Variants in STAB1 observed in about 807,000 individuals in gnomAD.
STAB1 encodes stabilin 1, also known as stabilin-1.
In STAB1, 250 loss-of-function variants were observed where a neutral mutation model predicts 332.4. The observed-to-expected ratio is 0.75, with a 90% CI of 0.68 to 0.84. STAB1 has a LOEUF of 0.84. Ranked by LOEUF, STAB1 falls within the 40% of genes least tolerant of loss-of-function variation. The probability of loss-of-function intolerance (pLI) is 0.00; values close to 1 mark genes in which losing one functional copy is unlikely to be tolerated. For missense variants in STAB1, 3,249 were observed against 3,489.7 expected, an observed-to-expected ratio of 0.93 and a Z score of 1.74; for synonymous variants, 1,475 against 1,390.4, an observed-to-expected ratio of 1.06 and a Z score of -1.35.
At chr3:52,515,069 C>T (rs1194873600) in intron 36 of STAB1, 24 bp downstream of exon 36, 3 of 1,612,320 alleles carry the variant, frequency 1.9e-6, no homozygotes, top group Non-Finnish European at 2.5e-6. Flanking sequence ...TAGCGCAGCT[C>T]TGTCCCTGTG....
At chr3:52,515,906 T>G in intron 37 of STAB1, 137 bp from the exon 38 acceptor site, 11 of 988,486 alleles carry the variant, frequency 1.1e-5, no homozygotes, top group Middle Eastern at 3.3e-4. Context: ...CTTTCAGCTC[T>G]GAGCTGCTCA....
intron 12 of STAB1, 38 bp downstream of exon 12, chr3:52,504,914 A>G (rs1578368777): frequency 1.2e-6 from 2 of 1,613,296 alleles, no homozygotes; most frequent in East Asian, 4.5e-5. Context: ...AAGAGGAGTC[A>G]CAGCCTGGCA....
intron 1 of STAB1, among the ~76,000 whole-genome samples, 158 bp from the exon 2 acceptor site, chr3:52,501,008 A>G (rs1170477054): frequency 6.6e-6 from 1 of 152,194 alleles, no homozygotes; most frequent in African/African-American, 2.4e-5. Flanking sequence ...TGGACCCCCA[A>G]AGAACTCAGC....
chr3:52,504,107 C>A lies in STAB1; in HGVS notation c.1102C>A (p.Gln368Lys). 3 of 1,591,772 alleles carry A rather than the reference C, an allele frequency of 1.9e-6. No individual in the cohort carries two copies. Among genetic ancestry groups the A allele is most frequent in the Non-Finnish European group, 2.6e-6 (3 of 1,169,826 alleles). The change falls in exon 10 of 69, where the codon CAG becomes AAG. Residue 368 changes from glutamine (Q) to lysine (K), a missense_variant. Transcript: ENST00000321725. ...HLLHEVQKAT[Q>K]TGRVFLQLRV... is the part of the protein sequence containing the mutation. ...GCTCCACGAGGTGCAGAAGGCCACGCAGACAGGCCGGGTGTTCCTGCAGCT... is the reference window on the plus strand; with the variant it reads ...GCTCCACGAGGTGCAGAAGGCCACGAAGACAGGCCGGGTGTTCCTGCAGCT...
At position 52,514,690 on chromosome 3, in the gene STAB1, C is replaced by T. The variant is rs373730201; in HGVS notation, c.3679-11C>T. Reference sequence around the variant, plus strand: ...TAGGTGGGTGGATTCAGCCTCCATCCCTCTCCCCAGCCTGAGGTGAACCAT... The same window carrying T: ...TAGGTGGGTGGATTCAGCCTCCATCTCTCTCCCCAGCCTGAGGTGAACCAT... On this transcript the variant is annotated splice_polypyrimidine_tract_variant and intron_variant, in intron 34 of 68. Coordinates refer to ENST00000321725, the MANE Select transcript of STAB1 (RefSeq NM_015136.3). 2 of 1,612,886 alleles carry T rather than the reference C, an allele frequency of 1.2e-6. No individual in the cohort carries two copies. Among genetic ancestry groups the T allele is most frequent in the African/African-American group, 2.7e-5 (2 of 74,924 alleles).
In STAB1 at chr3:52,512,964, G is replaced by C. The variant is rs774807402; in HGVS notation, c.3158+6G>C. ...ACGCTGCCGAACCTGGTCAGGTGGG[G>C]CCGCCATTGCCAGGCTGTGGGAGGG... is the stretch of plus-strand genomic sequence containing the variant. On this transcript the variant is annotated splice_donor_region_variant and intron_variant, in intron 29 of 68. Transcript: ENST00000321725. The C allele has an allele frequency of 6.2e-7, 1 of 1,605,334 alleles. No homozygotes were observed. The highest frequency in any genetic ancestry group is 2.2e-5 in the East Asian group (1 of 44,726).
Position 52,524,368 on chromosome 3 carries a change from C to T in STAB1, c.*12C>T, listed in dbSNP as rs1337715275. 6.2e-7 allele frequency: 1 copy of T among 1,613,622 alleles called. No homozygotes were observed. The highest frequency in any genetic ancestry group is 8.5e-7 in the Non-Finnish European group (1 of 1,179,968). ...TCACAGTCAAGTGACGAGGCTGGGG[C>T]TGAAAGCAGAAGCATGCACAGGGAG... On this transcript the variant is annotated 3_prime_UTR_variant, in exon 69 of 69. Transcript: ENST00000321725.
At position 52,523,676 on chromosome 3, in the gene STAB1, C is replaced by T. The variant is rs145640449; in HGVS notation, c.7315C>T (p.Arg2439Cys). Reference sequence around the variant, plus strand: ...GGCCCCAGGGACAGTTGTGGTTAGCCGTATCATTGTGTGGGACATCATGGC... The same window carrying T: ...GGCCCCAGGGACAGTTGTGGTTAGCTGTATCATTGTGTGGGACATCATGGC... ...PVAPGTVVVS[R>C]IIVWDIMAFN... is the part of the protein sequence containing the mutation. The change falls in exon 66 of 69, where the codon CGT becomes TGT. Residue 2439 changes from arginine (R) to cysteine (C), a missense_variant. Arg to Cys is a radical substitution (Grantham distance 180). Coordinates refer to ENST00000321725, the MANE Select transcript of STAB1 (RefSeq NM_015136.3). 248 of 1,612,666 alleles carry T rather than the reference C, an allele frequency of 1.5e-4. No homozygotes were observed. The highest frequency in any genetic ancestry group is 1.9e-4 in the Non-Finnish European group (228 of 1,179,906).
chr3:52,514,878 G>A (rs766287435), intron 35 of STAB1, 49 bp downstream of exon 35: 1 of 1,612,894 alleles, frequency 6.2e-7, no homozygotes, highest in Non-Finnish European at 8.5e-7. Flanking sequence ...TCAGAGCTGG[G>A]AGGGCCTAGC....
chr3:52,524,184 G>T lies in STAB1; in HGVS notation c.7627G>T (p.Gly2543Cys). Residue 2543 changes from glycine to cysteine, a missense_variant, in exon 68 of 69, where the codon GGC (glycine) becomes TGC (cysteine). By Grantham distance (159) the Gly-to-Cys change is radical. Transcript: ENST00000321725. ...GGTCTCTGTCCCCAACCCTGTCTTT[G>T]GCAGCGACACCTTTTGTGAACCCTT... ...TLVSVPNPVF[G>C]SDTFCEPFDD... is the part of the protein sequence containing the mutation. 1.2e-6 allele frequency: 2 copies of T among 1,614,104 alleles called. No individual in the cohort carries two copies. Among genetic ancestry groups the T allele is most frequent in the Non-Finnish European group, 1.7e-6 (2 of 1,180,030 alleles).
At chr3:52,504,947 C>G (rs1280603550) in intron 12 of STAB1, 56 bp from the exon 13 acceptor site, 2 of 1,612,352 alleles carry the variant, frequency 1.2e-6, no homozygotes, top group African/African-American at 1.3e-5. Context: ...TGGGAGGGAG[C>G]CTCCGGACAG....
intron 25 of STAB1, 77 bp from the exon 26 acceptor site, chr3:52,511,573 G>C (rs1709300653): frequency 7.2e-7 from 1 of 1,391,212 alleles, no homozygotes; most frequent in South Asian, 1.3e-5. Flanking sequence ...GCAGTGACCA[G>C]AGAGAGCCAA....
rs773416310 is a variant in STAB1 at position 52,502,716 on chromosome 3, A to T, written c.572A>T (p.His191Leu). The T allele has an allele frequency of 6.2e-7, 1 of 1,613,246 alleles. No homozygotes were observed. The highest frequency in any genetic ancestry group is 1.3e-5 in the African/African-American group (1 of 74,906). Residue 191 changes from histidine to leucine, a missense_variant, in exon 6 of 69, where the codon CAC becomes CTC. His to Leu is a moderately conservative substitution (Grantham distance 99). Transcript: ENST00000321725. ...CLCFAGYTGP[H>L]CDQELPVCQE... ...TGCTTTGCTGGATACACTGGCCCCC[A>T]CTGTGATCAAGGTGAGCAGCGCCAC...
At chr3:52,504,342 A>C (rs1708685253) in intron 10 of STAB1, 119 bp from the exon 11 acceptor site, 1 of 1,367,992 alleles carries the variant, frequency 7.3e-7, no homozygotes, top group African/African-American at 1.4e-5. Flanking sequence ...ATCTACCCTA[A>C]ATCTAGGGAG....
At chr3:52,515,277 A>C in intron 36 of STAB1, 146 bp from the exon 37 acceptor site, 1 of 892,284 alleles carries the variant, frequency 1.1e-6, no homozygotes, top group East Asian at 2.6e-5. Context: ...CTCTCCCATC[A>C]GTCTGCCTGT....
rs1708491601 is a variant in STAB1 at position 52,502,088 on chromosome 3, C to A, written c.414C>A (p.Cys138Ter). The change falls in exon 4 of 69, where the codon TGC (cysteine) becomes TGA (stop). Residue 138 changes from cysteine to a stop codon, truncating the protein, a stop_gained. Transcript: ENST00000321725. LOFTEE classifies it high-confidence loss of function. ...DGMDRNGTCV[C>*]QENFRGSACQ... ...TGGACAGGAATGGGACCTGTGTGTG[C>A]CAGGTAAGGGCTGGGCAAGGTGGGG... The A allele has an allele frequency of 1.2e-6, 2 of 1,613,488 alleles. No individual in the cohort carries two copies. Among genetic ancestry groups the A allele is most frequent in the Non-Finnish European group, 1.7e-6 (2 of 1,180,024 alleles).
rs200170401 is a variant in STAB1, at chr3:52,520,923, G to A, written c.5826G>A (p.Leu1942=). 1.3e-6 allele frequency: 2 copies of A among 1,598,094 alleles called. No individual in the cohort carries two copies. The highest frequency in any genetic ancestry group is 2.2e-5 in the East Asian group (1 of 44,674). Residue 1942 remains leucine, a synonymous_variant, in exon 55 of 69, where the codon CTG becomes CTA. Transcript: ENST00000321725. ...GCCTTTGGGGTAGGCCCCAAGGCCTGGGCAGGGGCTGCCACCGCAATTGTG... is the reference window on the plus strand; with the variant it reads ...GCCTTTGGGGTAGGCCCCAAGGCCTAGGCAGGGGCTGCCACCGCAATTGTG... ...HPSLWGRPQG[L]GRGCHRNCVT...
chr3:52,501,802 C>A, intron 3 of STAB1, 49 bp downstream of exon 3: 1 of 1,526,266 alleles, frequency 6.6e-7, no homozygotes, highest in Non-Finnish European at 8.9e-7. Flanking sequence ...CCAGCCCCAG[C>A]TCTGGGCAAG....
In STAB1 at chr3:52,520,504, C is replaced by T; in HGVS notation, c.5604C>T (p.Gly1868=). The T allele has an allele frequency of 1.9e-6, 3 of 1,612,520 alleles. No individual in the cohort carries two copies. In the South Asian group the frequency reaches 3.3e-5, roughly 18 times the overall value. The change falls in exon 53 of 69, where the codon GGC becomes GGT. Residue 1868 remains glycine (G), a synonymous_variant. Coordinates refer to ENST00000321725, the MANE Select transcript of STAB1 (RefSeq NM_015136.3). ...TCGACCAGCTGCTGGAGCCACCTGGCCTTGGTGCTCGCTGTGACCACTTTG... is the reference window on the plus strand; with the variant it reads ...TCGACCAGCTGCTGGAGCCACCTGGTCTTGGTGCTCGCTGTGACCACTTTG... ...YGIDQLLEPP[G]LGARCDHFET...
Sources: gnomAD v4.1 joint callset for allele counts (sites outside exome capture counted in the v4.1 genomes callset) on GRCh38, gnomAD v4.1.1 for gene constraint, MANE v1.5 for transcripts, NCBI Gene and HGNC (gene_info 2026-07-23, HGNC 2026-07-21) for gene names.